Variants in BRINP1 observed in about 807,000 individuals in gnomAD.
The protein encoded by BRINP1 is BMP/retinoic acid-inducible neural-specific protein 1.
Under a neutral mutation model 72.9 loss-of-function variants are expected in BRINP1, and 17 were observed. That is an observed-to-expected ratio of 0.23 (90% CI 0.16 to 0.35). The LOEUF (loss-of-function observed/expected upper bound fraction) is 0.35, where lower values mean the gene tolerates loss of function less well. Among genes scored for constraint, BRINP1 ranks in the 10% least tolerant of loss-of-function variants. The pLI is 1.00. For synonymous variants in BRINP1, 418 were observed against 378.5 expected (o/e 1.10, Z -1.21); for missense variants, 850 against 1,001.6 (o/e 0.85, Z 2.04).
At chr9:119,185,885 G>T (rs1336948282) in intron 7 of BRINP1, among the ~76,000 whole-genome samples, 1 of 152,200 alleles carries the variant, frequency 6.6e-6, no homozygotes, top group East Asian at 1.9e-4. Flanking sequence ...CATTTTGAAA[G>T]CAAAGCCCTG....
At chr9:119,192,065 T>C (rs1284548406) in intron 7 of BRINP1, among the ~76,000 whole-genome samples, 1 of 151,952 alleles carries the variant, frequency 6.6e-6, no homozygotes, top group Non-Finnish European at 1.5e-5. Flanking sequence ...ACTAATGACA[T>C]TGAACCCTTA....
chr9:119,233,958 G>T (rs1221632841), intron 5 of BRINP1, among the ~76,000 whole-genome samples: 1 of 152,082 alleles, frequency 6.6e-6, no homozygotes, highest in African/African-American at 2.4e-5. Context: ...CTTCCATATT[G>T]TTGTATGAAA....
intron 5 of BRINP1, among the ~76,000 whole-genome samples, chr9:119,235,912 T>C (rs1028564891): frequency 2.6e-5 from 4 of 152,206 alleles, no homozygotes; most frequent in African/African-American, 9.7e-5. Flanking sequence ...TATAATTCTC[T>C]GACAACAGGG....
intron 3 of BRINP1, among the ~76,000 whole-genome samples, chr9:119,244,040 C>T (rs184412608): frequency 1.4e-4 from 22 of 152,324 alleles, no homozygotes; most frequent in East Asian, 3.9e-4. Context: ...CATTTTCCCT[C>T]GTCGTTAGGA....
intron 7 of BRINP1, among the ~76,000 whole-genome samples, chr9:119,186,802 C>T (rs1829626246): frequency 6.6e-6 from 1 of 152,164 alleles, no homozygotes; most frequent in Non-Finnish European, 1.5e-5. Flanking sequence ...AGAGCCCAAG[C>T]CACAGCCACG....
chr9:119,272,319 A>G (rs908398039), intron 2 of BRINP1, among the ~76,000 whole-genome samples: 1 of 151,982 alleles, frequency 6.6e-6, no homozygotes, highest in African/African-American at 2.4e-5. Context: ...CTGACCTCAG[A>G]TGATCCACCT....
At chr9:119,327,528 G>A (rs576489902) in intron 1 of BRINP1, among the ~76,000 whole-genome samples, 1 of 152,318 alleles carries the variant, frequency 6.6e-6, no homozygotes, top group South Asian at 2.1e-4. Context: ...CTTTATGTCA[G>A]AGTTTCATTT....
intron 2 of BRINP1, among the ~76,000 whole-genome samples, chr9:119,267,333 C>T (rs1830557583): frequency 6.6e-6 from 1 of 152,022 alleles, no homozygotes; most frequent in African/African-American, 2.4e-5. Flanking sequence ...TGACATGATA[C>T]ATTTAAGAAG....
chr9:119,175,286 C>CTGTA (rs1829473117), intron 7 of BRINP1, among the ~76,000 whole-genome samples: 1 of 151,798 alleles, frequency 6.6e-6, no homozygotes, highest in Non-Finnish European at 1.5e-5. Flanking sequence ...AAACAAAACA[C>CTGTA]TGTATGTTCT....
chr9:119,350,481 C>A (rs371524390), intron 1 of BRINP1, among the ~76,000 whole-genome samples: 1 of 152,266 alleles, frequency 6.6e-6, no homozygotes, highest in East Asian at 1.9e-4. Flanking sequence ...AGTTCACATT[C>A]CCCTGGTCCC....
At chr9:119,223,420 T>C (rs1830060606) in intron 5 of BRINP1, among the ~76,000 whole-genome samples, 1 of 152,072 alleles carries the variant, frequency 6.6e-6, no homozygotes, top group African/African-American at 2.4e-5. Flanking sequence ...TTGCCCTGTT[T>C]TCTATTCCTT....
At position 119,368,810 on chromosome 9, in the gene BRINP1, G is replaced by A. The variant is rs1831722593; in HGVS notation, c.-51+246C>T. 6.6e-6 allele frequency among the ~76,000 whole-genome samples: 1 copy of A among 152,246 alleles called. No individual in the cohort carries two copies. The highest frequency in any genetic ancestry group is 1.9e-4 in the East Asian group (1 of 5,158). On this transcript the variant is annotated intron_variant, in intron 1 of 7. Transcript: ENST00000265922. The surrounding 1 kb of genome is among the most constrained non-coding windows in gnomAD (Gnocchi z 4.7). ...ATCAAGTTCCCACCATGGTGCACAC[G>A]TCGGGAGCGCGCGGGGACACACACG...
At chr9:119,240,832 C>G (rs1242481219) in intron 4 of BRINP1, among the ~76,000 whole-genome samples, 1 of 152,086 alleles carries the variant, frequency 6.6e-6, no homozygotes, top group Admixed American at 6.5e-5. Context: ...TTATCCTCAC[C>G]GTTTTTCCCT....
intron 1 of BRINP1, among the ~76,000 whole-genome samples, chr9:119,354,142 G>A (rs1304509691): frequency 1.3e-5 from 2 of 151,904 alleles, no homozygotes; most frequent in African/African-American, 4.8e-5. Context: ...AGAATTGCTT[G>A]TATACATTTT....
chr9:119,194,432 G>A (rs192971956), intron 7 of BRINP1, among the ~76,000 whole-genome samples: 50 of 152,220 alleles, frequency 3.3e-4, no homozygotes, highest in Admixed American at 2.2e-3. Context: ...GACCTGTAAC[G>A]GTGATGAGAT....
chr9:119,195,506 C>G (rs752984014), intron 7 of BRINP1, among the ~76,000 whole-genome samples: 1 of 152,210 alleles, frequency 6.6e-6, no homozygotes, highest in Non-Finnish European at 1.5e-5. Flanking sequence ...CACATAACAT[C>G]ATCAGTGTGA....
At chr9:119,231,593 T>C (rs1016517855) in intron 5 of BRINP1, among the ~76,000 whole-genome samples, 3 of 152,150 alleles carry the variant, frequency 2.0e-5, no homozygotes, top group Non-Finnish European at 1.5e-5. Context: ...CAGAATTCCA[T>C]TGAAAACATC....
intron 2 of BRINP1, among the ~76,000 whole-genome samples, chr9:119,271,321 G>T (rs1230866414): frequency 3.5e-5 from 1 of 28,316 alleles, no homozygotes; most frequent in Admixed American, 7.0e-4. Context: ...AGACCAGAAG[G>T]ACCAAAAAAA....
chr9:119,170,930 C>T (rs1167188171), intron 7 of BRINP1, among the ~76,000 whole-genome samples: 18 of 143,708 alleles, frequency 1.3e-4, no homozygotes, highest in African/African-American at 4.9e-4. Context: ...CAAGCAAATG[C>T]TGAGAGATTT....
Sources: allele counts gnomAD v4.1 joint callset (sites outside exome capture counted in the v4.1 genomes callset), GRCh38; gene constraint gnomAD v4.1.1; non-coding constraint Gnocchi (gnomAD v3.1); transcripts MANE v1.5; gene names NCBI Gene and HGNC (gene_info 2026-07-23, HGNC 2026-07-21).